Variants in CIB2 observed in about 807,000 individuals in gnomAD.
The protein encoded by CIB2 is calcium and integrin-binding family member 2.
CIB2 carries 19 observed loss-of-function variants against 23.1 expected under a neutral mutation model. The observed-to-expected ratio is 0.82, with a 90% CI of 0.57 to 1.21. CIB2 has a LOEUF of 1.21. Ranked by LOEUF, CIB2 falls within the 50% of genes most tolerant of loss-of-function variation. The pLI is 0.00. For missense variants in CIB2, 220 were observed against 241.5 expected, an observed-to-expected ratio of 0.91 and a Z score of 0.59; for synonymous variants, 94 against 91.7, an observed-to-expected ratio of 1.03 and a Z score of -0.14.
intron 2 of CIB2, among the ~76,000 whole-genome samples, chr15:78,112,027 C>T (rs1418406887): frequency 6.6e-6 from 1 of 152,192 alleles, no homozygotes; most frequent in African/African-American, 2.4e-5. Flanking sequence ...GGGCCTGGCC[C>T]TCCCTCCTCA....
intron 1 of CIB2, among the ~76,000 whole-genome samples, chr15:78,128,106 G>A (rs2074405785): frequency 6.6e-6 from 1 of 152,198 alleles, no homozygotes; most frequent in African/African-American, 2.4e-5. Context: ...AAACAGTGAG[G>A]TGCCCAGTAT....
In CIB2 at chr15:78,117,246, CAAAAAAAAAAAAAAAAA is replaced by C. The variant is rs60332437; in HGVS notation, c.87-5987_87-5971del. Among the ~76,000 whole-genome samples, 4 of 55,480 alleles carry C rather than the reference CAAAAAAAAAAAAAAAAA, an allele frequency of 7.2e-5. No homozygotes were observed. The South Asian group carries it at 2.6e-3, about 36-fold the overall frequency. 36.4% of individuals were successfully genotyped at this position (55,480 alleles called of 152,430 possible). A position where few individuals can be genotyped will look rare whatever the true frequency, so the allele number is the denominator to read the frequency against. On this transcript the variant is annotated intron_variant, in intron 2 of 5. Transcript: ENST00000258930. ...GTTAAGTGTTTCTTCAAGCTACTGGCAAAAAAAAAAAAAAAAAAAAAAAAAAAAAGTTTGTTTAAAAG... is the reference window on the plus strand; with the variant it reads ...GTTAAGTGTTTCTTCAAGCTACTGGCAAAAAAAAAAAAGTTTGTTTAAAAG...
intron 3 of CIB2, among the ~76,000 whole-genome samples, chr15:78,109,692 C>T (rs899540111): frequency 2.0e-5 from 3 of 151,062 alleles, no homozygotes; most frequent in East Asian, 2.0e-4. Context: ...CCTGTAGTCC[C>T]GCTATTTGGG....
Position 78,129,203 on chromosome 15 carries a change from CA to C in CIB2, c.51+1961del, listed in dbSNP as rs1430579841. Among the ~76,000 whole-genome samples the C allele has an allele frequency of 2.6e-5, 4 of 152,184 alleles. No individual in the cohort carries two copies. The South Asian group carries it at 8.3e-4, about 32-fold the overall frequency. ...GGGTGCTGTAACTCAGGCTCACCCCCACTCAGCCCGGGCTGGCAATGGCTGG... is the reference window on the plus strand; with the variant it reads ...GGGTGCTGTAACTCAGGCTCACCCCCCTCAGCCCGGGCTGGCAATGGCTGG... On this transcript the variant is annotated intron_variant, in intron 1 of 5. Coordinates refer to ENST00000258930, the MANE Select transcript of CIB2 (RefSeq NM_006383.4).
In CIB2 at chr15:78,109,296, A is replaced by T. The variant is rs756903005; in HGVS notation, c.285T>A (p.Phe95Leu). The T allele has an allele frequency of 8.7e-6, 14 of 1,612,026 alleles. No homozygotes were observed. Among genetic ancestry groups the T allele is most frequent in the African/African-American group, 2.7e-5 (2 of 74,654 alleles). Residue 95 changes from phenylalanine (F) to leucine (L), a missense_variant, in exon 4 of 6, where the codon TTT becomes TTA. By Grantham distance (22) the Phe-to-Leu change is conservative. Coordinates refer to ENST00000258930, the MANE Select transcript of CIB2 (RefSeq NM_006383.4). The part of the protein sequence containing the change: ...NLTFNDFVDM[F>L]SVLCESAPRE... ...GGGGAGCCGACTCGCAGAGCACGGA[A>T]AACATGTCCACAAAGTCGTTGAAAG... is the stretch of plus-strand genomic sequence containing the variant.
At chr15:78,125,275 A>G (rs916266872) in intron 1 of CIB2, among the ~76,000 whole-genome samples, 1 of 152,110 alleles carries the variant, frequency 6.6e-6, no homozygotes, top group African/African-American at 2.4e-5. Context: ...CAGAATGTGG[A>G]CTTCCCTCCA....
intron 2 of CIB2, among the ~76,000 whole-genome samples, chr15:78,116,085 T>G (rs915541991): frequency 6.6e-6 from 1 of 152,122 alleles, no homozygotes; most frequent in Non-Finnish European, 1.5e-5. Flanking sequence ...ATAGCAACTC[T>G]TTACACAGCA....
chr15:78,107,601 C>A (rs2074090845), intron 4 of CIB2, among the ~76,000 whole-genome samples: 1 of 152,210 alleles, frequency 6.6e-6, no homozygotes, highest in African/African-American at 2.4e-5. Flanking sequence ...CCTAGAGCAG[C>A]AAGGAAGCCA....
intron 2 of CIB2, among the ~76,000 whole-genome samples, chr15:78,115,676 C>CTTTTTTTTT (rs56754406): frequency 2.8e-5 from 2 of 71,312 alleles, no homozygotes; most frequent in African/African-American, 5.4e-5. Flanking sequence ...ATCTCCTTCT[C>CTTTTTTTTT]TTTTTTTTTT....
intron 2 of CIB2, among the ~76,000 whole-genome samples, chr15:78,119,071 T>C (rs1262118239): frequency 6.6e-6 from 1 of 151,652 alleles, no homozygotes; most frequent in Non-Finnish European, 1.5e-5. Context: ...TCCCAGCTAA[T>C]TGGGTGGCTG....
intron 3 of CIB2, among the ~76,000 whole-genome samples, chr15:78,109,837 A>G (rs1596349535): frequency 6.7e-6 from 1 of 148,254 alleles, no homozygotes; most frequent in African/African-American, 2.5e-5. Context: ...AATGCTGAGC[A>G]CAGCCAGTGT....
At chr15:78,130,982 G>C (rs550512962) in intron 1 of CIB2, among the ~76,000 whole-genome samples, 183 bp downstream of exon 1, 2 of 152,120 alleles carry the variant, frequency 1.3e-5, no homozygotes, top group Non-Finnish European at 2.9e-5. Context: ...TATTCCACCG[G>C]TGGGGAAACT....
Position 78,105,244 on chromosome 15 carries a change from G to A in CIB2, c.*67C>T, listed in dbSNP as rs2074047312. 4 of 1,606,846 alleles carry A rather than the reference G, an allele frequency of 2.5e-6. No homozygotes were observed. The highest frequency in any genetic ancestry group is 1.7e-5 in the Admixed American group (1 of 59,544). On this transcript the variant is annotated 3_prime_UTR_variant, in exon 6 of 6. Transcript: ENST00000258930. ...CCACTGCTTTCCTGGGGAGCTTGGA[G>A]GCCACACCCATGTGACTGCAGGGCA...
Position 78,121,717 on chromosome 15 carries a change from G to A in CIB2, c.86+1988C>T, listed in dbSNP as rs192559618. On this transcript the variant is annotated intron_variant, in intron 2 of 5. Transcript: ENST00000258930. The stretch of plus-strand genomic sequence containing the variant: ...TCTGCCATGATTGTAAGTTTCCTGA[G>A]GCCTCCCCAGCCATGTGGAGCCATG... 4.9e-3 allele frequency among the ~76,000 whole-genome samples: 753 copies of A among 152,256 alleles called. 6 individuals carry two copies. The highest frequency in any genetic ancestry group is 0.017 in the African/African-American group (704 of 41,550).
intron 5 of CIB2, 172 bp downstream of exon 5, chr15:78,105,567 G>A: frequency 6.7e-7 from 1 of 1,486,474 alleles, no homozygotes; most frequent in Non-Finnish European, 8.9e-7. Flanking sequence ...CCTTCCCCCT[G>A]CAGGGGACAA....
At chr15:78,125,990 T>A (rs2074375471) in intron 1 of CIB2, among the ~76,000 whole-genome samples, 1 of 152,102 alleles carries the variant, frequency 6.6e-6, no homozygotes, top group Non-Finnish European at 1.5e-5. Flanking sequence ...TCTTAATCCT[T>A]ATCATTAGCC....
chr15:78,105,707 C>T lies in CIB2; in HGVS notation c.542+32G>A, dbSNP rs367839435. On this transcript the variant is annotated intron_variant, in intron 5 of 5. Transcript: ENST00000258930. ...ACATCCCGGCCTGCCCTGCTCTGCCCTGCCCAAGCCCGGCCCCTGTAGTGG... is the reference window on the plus strand; with the variant it reads ...ACATCCCGGCCTGCCCTGCTCTGCCTTGCCCAAGCCCGGCCCCTGTAGTGG... 6.4e-5 allele frequency: 104 copies of T among 1,613,324 alleles called. 1 individual carries two copies. In the African/African-American group the frequency reaches 1.1e-3, roughly 17 times the overall value.
intron 2 of CIB2, among the ~76,000 whole-genome samples, chr15:78,119,568 T>C (rs898255432): frequency 4.0e-5 from 6 of 151,854 alleles, no homozygotes; most frequent in Non-Finnish European, 5.9e-5. Flanking sequence ...TAAGCATATA[T>C]ATACTTTTTT....
chr15:78,127,623 G>A (rs1442880115), intron 1 of CIB2, among the ~76,000 whole-genome samples: 1 of 152,110 alleles, frequency 6.6e-6, no homozygotes, highest in Non-Finnish European at 1.5e-5. Context: ...CAACTCAAGG[G>A]TGACTTGTTC....
Sources: allele counts gnomAD v4.1 joint callset (sites outside exome capture counted in the v4.1 genomes callset), GRCh38; gene constraint gnomAD v4.1.1; transcripts MANE v1.5; gene names NCBI Gene and HGNC (gene_info 2026-07-23, HGNC 2026-07-21).